BAZ2B: variants seen among roughly 807,000 people sequenced by gnomAD.
The protein encoded by BAZ2B is bromodomain adjacent to zinc finger domain 2B.
BAZ2B carries 91 observed loss-of-function variants against 246.0 expected under a neutral mutation model. The observed-to-expected ratio is 0.37, with a 90% CI of 0.31 to 0.44. The LOEUF (loss-of-function observed/expected upper bound fraction) is 0.44, where lower values mean the gene tolerates loss of function less well. Ranked by LOEUF, BAZ2B falls within the 20% of genes least tolerant of loss-of-function variation. BAZ2B has a pLI of 1.00. For synonymous variants in BAZ2B, 855 were observed against 860.0 expected, an observed-to-expected ratio of 0.99 and a Z score of 0.10; for missense variants, 2,332 against 2,533.7, an observed-to-expected ratio of 0.92 and a Z score of 1.71.
chr2:159,663,116 CT>C, the BAZ2B span, among the ~76,000 whole-genome samples: 2 of 151,406 alleles, frequency 1.3e-5, no homozygotes, highest in Non-Finnish European at 2.9e-5. Flanking sequence ...GGTCTTTTAC[CT>C]TTTTGATGGT....
At chr2:159,450,869 A>C (rs2074996118) in intron 4 of BAZ2B, among the ~76,000 whole-genome samples, 1 of 151,724 alleles carries the variant, frequency 6.6e-6, no homozygotes, top group Non-Finnish European at 1.5e-5. Context: ...CCTCCAGGGT[A>C]GCTGGGATTA....
chr2:159,660,365 T>G, the BAZ2B span, among the ~76,000 whole-genome samples: 2 of 152,212 alleles, frequency 1.3e-5, no homozygotes, highest in African/African-American at 2.4e-5. Context: ...CTTTCTTCAT[T>G]TAAAAGAATT....
intron 3 of BAZ2B, among the ~76,000 whole-genome samples, chr2:159,473,449 C>G (rs1376475793): frequency 1.3e-5 from 2 of 152,018 alleles, no homozygotes; most frequent in East Asian, 3.9e-4. Flanking sequence ...CTATTTGATT[C>G]TTCTCTCTAT....
At chr2:159,459,247 A>T (rs2076139802) in intron 3 of BAZ2B, 1 of 152,224 alleles carries the variant, frequency 6.6e-6, no homozygotes, top group Non-Finnish European at 1.5e-5. Flanking sequence ...TTTACAAAAC[A>T]TTGCACAAAG....
chr2:159,652,648 T>G, the BAZ2B span, among the ~76,000 whole-genome samples: 1 of 152,176 alleles, frequency 6.6e-6, no homozygotes, highest in Non-Finnish European at 1.5e-5. Context: ...CTTGCTCTAT[T>G]GCCCAAAGGC....
In BAZ2B at chr2:159,428,027, C is replaced by T; in HGVS notation, c.2380G>A (p.Gly794Arg). ...TTGTCCCTTGAGATATCCATTATTC[C>T]ATTTCTGCTGAGATACTGAAAAAAT... Reference protein sequence around the residue: ...PEVIKYLSRNGIMDISRDNFS... With the variant: ...PEVIKYLSRNRIMDISRDNFS... The change falls in exon 13 of 37, where the codon GGA becomes AGA. Residue 794 changes from glycine (G) to arginine (R), a missense_variant. By Grantham distance (125) the Gly-to-Arg change is moderately radical (BLOSUM62 -2). Transcript: ENST00000392783. The T allele has an allele frequency of 6.2e-7, 1 of 1,613,024 alleles. No individual in the cohort carries two copies. The highest frequency in any genetic ancestry group is 8.5e-7 in the Non-Finnish European group (1 of 1,179,298).
chr2:159,339,676 A>G (rs1397044119), intron 31 of BAZ2B, among the ~76,000 whole-genome samples: 3 of 152,154 alleles, frequency 2.0e-5, no homozygotes, highest in African/African-American at 7.2e-5. Flanking sequence ...CTAAATGCCC[A>G]TCAACAGATG....
intron 2 of BAZ2B, among the ~76,000 whole-genome samples, chr2:159,533,283 A>C (rs1272146845): frequency 6.6e-6 from 1 of 152,178 alleles, no homozygotes; most frequent in East Asian, 1.9e-4. Context: ...TTCTAAAACA[A>C]TACGGAAAGA....
In BAZ2B at chr2:159,445,261, G is replaced by A. The variant is rs147529995; in HGVS notation, c.696+1521C>T. ...GAAATCGCATTAACAATCTGAACAG[G>A]AAAAATTTAACATAAAGAATTATTG... On this transcript the variant is annotated intron_variant, in intron 6 of 36. Coordinates refer to ENST00000392783, the MANE Select transcript of BAZ2B (RefSeq NM_013450.4). Among the ~76,000 whole-genome samples the A allele has an allele frequency of 4.0e-3, 611 of 152,190 alleles. 4 individuals are homozygous for A. The highest frequency in any genetic ancestry group is 0.014 in the African/African-American group (586 of 41,534).
chr2:159,366,174 T>A (rs1166572600), intron 27 of BAZ2B, among the ~76,000 whole-genome samples: 2 of 152,112 alleles, frequency 1.3e-5, no homozygotes, highest in Non-Finnish European at 2.9e-5. Flanking sequence ...TACTCTTACA[T>A]CTCGGCTCCC....
chr2:159,616,620 AAGAG>A (rs750775600), upstream of BAZ2B: 1 of 152,156 alleles, frequency 6.6e-6, no homozygotes, highest in Non-Finnish European at 1.5e-5. Context: ...AAGGGAAAAA[AAGAG>A]AGAGAATTGT....
chr2:159,524,704 A>T (rs1358355002), intron 2 of BAZ2B, among the ~76,000 whole-genome samples: 2 of 152,248 alleles, frequency 1.3e-5, no homozygotes, highest in Non-Finnish European at 2.9e-5. Flanking sequence ...ATTTTAAACT[A>T]AGAACACTGG....
At chr2:159,415,328 C>T (rs1026430158) in intron 13 of BAZ2B, among the ~76,000 whole-genome samples, 4 of 151,576 alleles carry the variant, frequency 2.6e-5, no homozygotes, top group Non-Finnish European at 5.9e-5. Context: ...ACCTGTAGTC[C>T]CAGCTACTTG....
rs1418411327 is a variant in BAZ2B, at chr2:159,349,751, T to C, written c.4820A>G (p.Gln1607Arg). The C allele has an allele frequency of 1.2e-6, 2 of 1,613,948 alleles. No homozygotes were observed. Among genetic ancestry groups the C allele is most frequent in the African/African-American group, 2.7e-5 (2 of 74,934 alleles). ...AAATGGATTTAAGCCAACAGGATTC[T>C]GAGCAGAAGATCCAAGAGGAGCTGG... ...PTPAPLGSSA[Q>R]NPVGLNPFAL... Residue 1607 changes from glutamine to arginine, a missense_variant, in exon 28 of 37, where the codon CAG (glutamine) becomes CGG (arginine). Transcript: ENST00000392783.
At chr2:159,675,341 A>T in the BAZ2B span, among the ~76,000 whole-genome samples, 11,036 of 152,144 alleles carry the variant, frequency 0.073, 512 homozygotes, top group East Asian at 0.14. Flanking sequence ...AAATGAGCCC[A>T]TTAACTGTAA....
chr2:159,339,356 G>A (rs1411056243), intron 31 of BAZ2B, among the ~76,000 whole-genome samples: 1 of 152,134 alleles, frequency 6.6e-6, no homozygotes, highest in Non-Finnish European at 1.5e-5. Flanking sequence ...CAGATGGTAA[G>A]AGAACTGGAC....
intron 6 of BAZ2B, chr2:159,444,530 G>A (rs745803718): frequency 1.6e-4 from 25 of 152,180 alleles, no homozygotes; most frequent in Non-Finnish European, 3.1e-4. Flanking sequence ...GAAAATAAAT[G>A]TATTTGTTCA....
At chr2:159,405,894 G>C in intron 14 of BAZ2B, among the ~76,000 whole-genome samples, 1 of 152,108 alleles carries the variant, frequency 6.6e-6, no homozygotes, top group Admixed American at 6.5e-5. Flanking sequence ...AGCTATAATG[G>C]TTAAGTTCCT....
At chr2:159,466,834 T>C (rs2077121717) in intron 3 of BAZ2B, among the ~76,000 whole-genome samples, 1 of 152,116 alleles carries the variant, frequency 6.6e-6, no homozygotes, top group South Asian at 2.1e-4. Flanking sequence ...TTTTCTTCTC[T>C]GCAGGTCCTC....
Sources: allele counts gnomAD v4.1 joint callset (sites outside exome capture counted in the v4.1 genomes callset), GRCh38; gene constraint gnomAD v4.1.1; transcripts MANE v1.5; gene names NCBI Gene and HGNC (gene_info 2026-07-23, HGNC 2026-07-21).